The following MACF1 variants were observed in gnomAD, a reference collection of about 807,000 sequenced individuals.
MACF1 encodes microtubule actin crosslinking factor 1.
In MACF1, 193 loss-of-function variants were observed where a neutral mutation model predicts 854.8. The ratio of observed to expected loss-of-function variants is 0.23; its 90% CI spans 0.20 to 0.25. The LOEUF (loss-of-function observed/expected upper bound fraction) is 0.25. Among genes scored for constraint, MACF1 ranks in the 10% least tolerant of loss-of-function variants. The pLI is 1.00. For missense variants in MACF1, 7,722 were observed against 8,929.1 expected (o/e 0.86, Z 5.45); for synonymous variants, 3,185 against 3,226.7 (o/e 0.99, Z 0.44).
At chr1:39,157,802 G>C (rs1643722191) in intron 2 of MACF1, among the ~76,000 whole-genome samples, 1 of 152,074 alleles carries the variant, frequency 6.6e-6, no homozygotes, top group South Asian at 2.1e-4. Context: ...AACTTCCCAG[G>C]TTCAAGCGAT....
chr1:39,405,122 A>C (rs777750145), intron 58 of MACF1, among the ~76,000 whole-genome samples: 67 of 152,204 alleles, frequency 4.4e-4, no homozygotes, highest in Non-Finnish European at 8.8e-4. Flanking sequence ...TCACGAGTAC[A>C]TGAGAGCTCA....
intron 58 of MACF1, chr1:39,410,149 A>G (rs187768237): frequency 8.6e-6 from 6 of 700,588 alleles, no homozygotes; most frequent in African/African-American, 5.3e-5. Flanking sequence ...GGCAGATGCA[A>G]TTGGTGGTTT....
chr1:39,461,254 A>G (rs1032640319), intron 92 of MACF1, among the ~76,000 whole-genome samples: 7 of 152,184 alleles, frequency 4.6e-5, no homozygotes, highest in African/African-American at 1.4e-4. Context: ...GGAAAACTTC[A>G]TGCTATTCCA....
rs139506554 is a variant in MACF1 at position 39,160,189 on chromosome 1, C to T, written c.221-70993C>T. ...AAAATTAGCTGGGCATGGTGATATGCACCTGTACCCTTAACTACTTGGGAA... is the reference window on the plus strand; with the variant it reads ...AAAATTAGCTGGGCATGGTGATATGTACCTGTACCCTTAACTACTTGGGAA... On this transcript the variant is annotated intron_variant, in intron 2 of 93. Transcript: ENST00000361689. Among the ~76,000 whole-genome samples the T allele has an allele frequency of 1.6e-4, 24 of 152,224 alleles. No homozygotes were observed. In the East Asian group the frequency reaches 4.6e-3, roughly 29 times the overall value.
Position 39,385,709 on chromosome 1 carries a change from C to G in MACF1, c.14124C>G (p.Val4708=). 6.2e-7 allele frequency: 1 copy of G among 1,614,156 alleles called. No homozygotes were observed. Among genetic ancestry groups the G allele is most frequent in the South Asian group, 1.1e-5 (1 of 91,078 alleles). ...KVRAVGQRLS[V]QSAISTQPEA... ...GGGCAGTTGGACAACGGCTGAGTGT[C>G]CAGTCAGCTATCAGCACCCAACCAG... is the stretch of plus-strand genomic sequence containing the variant. The change falls in exon 57 of 101, where the codon GTC becomes GTG. Residue 4708 remains valine, a synonymous_variant. Coordinates refer to ENST00000564288, the MANE Select transcript of MACF1 (RefSeq NM_001394062.1).
At chr1:39,268,194 T>C (rs1013025992) in intron 6 of MACF1, among the ~76,000 whole-genome samples, 4 of 152,178 alleles carry the variant, frequency 2.6e-5, no homozygotes, top group African/African-American at 9.7e-5. Context: ...GCTTTTTCCC[T>C]TTTTGGTACT....
upstream of MACF1, among the ~76,000 whole-genome samples, chr1:39,201,546 G>A (rs994834779): frequency 6.6e-6 from 1 of 152,108 alleles, no homozygotes; most frequent in Non-Finnish European, 1.5e-5. Flanking sequence ...TAGAGACGGG[G>A]TTTCACTGTG....
chr1:39,114,983 A>G (rs1012434033), intron 2 of MACF1, among the ~76,000 whole-genome samples: 40 of 152,166 alleles, frequency 2.6e-4, no homozygotes, highest in Non-Finnish European at 2.8e-4. Context: ...GAGAGGGGGA[A>G]TATTGGGCAT....
rs371935380 is a variant in MACF1 at position 39,318,535 on chromosome 1, A to T, written c.3865A>T (p.Thr1289Ser). 10 of 1,613,862 alleles carry T rather than the reference A, an allele frequency of 6.2e-6. No individual in the cohort carries two copies. The African/African-American group carries it at 1.3e-4, about 22-fold the overall frequency. ...AACTCTCATCAAGTGGATTGAGGAA[A>T]CCACTGCCCAGCAGGAAATGATGAA... ...HGTLIKWIEETTAQQEMMKPG... is the reference protein window; with the variant it reads ...HGTLIKWIEESTAQQEMMKPG... The change falls in exon 30 of 101, where the codon ACC becomes TCC. Residue 1289 changes from threonine to serine, a missense_variant. Transcript: ENST00000564288.
intron 2 of MACF1, among the ~76,000 whole-genome samples, chr1:39,170,142 C>A (rs1283129236): frequency 1.3e-5 from 2 of 152,222 alleles, no homozygotes; most frequent in Admixed American, 1.3e-4. Flanking sequence ...TAACTGAAAT[C>A]TGTCTATTCC....
chr1:39,355,460 C>CATT (rs1647463968), intron 44 of MACF1, among the ~76,000 whole-genome samples: 1 of 81,056 alleles, frequency 1.2e-5, no homozygotes, highest in Non-Finnish European at 2.2e-5. Context: ...TTTTCTTCTG[C>CATT]TTTTTTTTTT....
intron 50 of MACF1, 85 bp from the exon 51 acceptor site, chr1:39,369,945 C>G (rs948591831): frequency 5.6e-6 from 7 of 1,244,214 alleles, no homozygotes; most frequent in Non-Finnish European, 7.9e-6. Flanking sequence ...TAACTGATGT[C>G]TGGAGTCACA....
intron 96 of MACF1, among the ~76,000 whole-genome samples, chr1:39,469,146 C>T (rs1213425026): frequency 6.6e-6 from 1 of 152,128 alleles, no homozygotes; most frequent in African/African-American, 2.4e-5. Flanking sequence ...CAGGGAAGAA[C>T]TGGTGAGCCC....
At position 39,319,708 on chromosome 1, in the gene MACF1, A is replaced by G. The variant is rs1646476976; in HGVS notation, c.3990A>G (p.Gln1330=). 1 of 1,613,816 alleles carries G rather than the reference A, an allele frequency of 6.2e-7. No individual in the cohort carries two copies. Among genetic ancestry groups the G allele is most frequent in the Non-Finnish European group, 8.5e-7 (1 of 1,179,852 alleles). Residue 1330 remains glutamine, a synonymous_variant, in exon 31 of 101, where the codon CAA becomes CAG. Coordinates refer to ENST00000564288, the MANE Select transcript of MACF1 (RefSeq NM_001394062.1). ...EIERNQTKLD[Q]CQKFSQQYST... ...AGAGAAATCAGACAAAACTGGATCAATGTCAAAAATTTTCCCAGCAGTACT... is the reference window on the plus strand; with the variant it reads ...AGAGAAATCAGACAAAACTGGATCAGTGTCAAAAATTTTCCCAGCAGTACT...
chr1:39,191,483 A>G (rs905572456), intron 2 of MACF1, among the ~76,000 whole-genome samples: 8 of 152,110 alleles, frequency 5.3e-5, no homozygotes, highest in Admixed American at 2.6e-4. Context: ...CCATTTTTCA[A>G]TTAATGTGCC....
intron 18 of MACF1, among the ~76,000 whole-genome samples, chr1:39,294,479 G>A (rs1206460227): frequency 6.6e-6 from 1 of 152,138 alleles, no homozygotes; most frequent in African/African-American, 2.4e-5. Flanking sequence ...TGATTCTACT[G>A]AATTAAAGAA....
At chr1:39,480,361 C>T (rs952244630) in intron 98 of MACF1, among the ~76,000 whole-genome samples, 4 of 152,176 alleles carry the variant, frequency 2.6e-5, no homozygotes, top group African/African-American at 4.8e-5. Flanking sequence ...CCTGTAATCC[C>T]AGCCTTTGGG....
chr1:39,435,300 A>G (rs1255570971), intron 69 of MACF1, among the ~76,000 whole-genome samples: 2 of 152,198 alleles, frequency 1.3e-5, no homozygotes, highest in Admixed American at 1.3e-4. Context: ...GTAGGGGAAG[A>G]GAAGAGAGGA....
chr1:39,368,121 T>C, intron 49 of MACF1, 27 bp from the exon 50 acceptor site: 1 of 1,607,506 alleles, frequency 6.2e-7, no homozygotes, highest in Non-Finnish European at 8.5e-7. Flanking sequence ...TTAGAGGATT[T>C]AATACATTTC....
Sources: gnomAD v4.1 joint callset for allele counts (sites outside exome capture counted in the v4.1 genomes callset) on GRCh38, gnomAD v4.1.1 for gene constraint, MANE v1.5 for transcripts, NCBI Gene and HGNC (gene_info 2026-07-23, HGNC 2026-07-21) for gene names.